The following ELMO1 variants were observed in gnomAD, a reference collection of about 807,000 sequenced individuals.
ELMO1 encodes the protein engulfment and cell motility protein 1.
In ELMO1, 26 loss-of-function variants were observed where a neutral mutation model predicts 98.9. That is an observed-to-expected ratio of 0.26 (90% CI 0.19 to 0.36). ELMO1 has a LOEUF of 0.36. Among genes scored for constraint, ELMO1 ranks in the 10% least tolerant of loss-of-function variants. ELMO1 has a pLI of 1.00. For synonymous variants in ELMO1, 346 were observed against 346.0 expected, an observed-to-expected ratio of 1.00 and a Z score of 0.00; for missense variants, 627 against 935.2, an observed-to-expected ratio of 0.67 and a Z score of 4.30.
chr7:37,184,735 C>A (rs1285626608), intron 13 of ELMO1, among the ~76,000 whole-genome samples: 1 of 151,752 alleles, frequency 6.6e-6, no homozygotes, highest in Non-Finnish European at 1.5e-5. Context: ...TAGCAAAACC[C>A]CATCTCTACC....
chr7:37,246,971 A>C (rs1197691538), intron 6 of ELMO1, among the ~76,000 whole-genome samples: 3 of 152,106 alleles, frequency 2.0e-5, no homozygotes, highest in Non-Finnish European at 4.4e-5. Context: ...TTTGCAATTC[A>C]TCTCAACATT....
At chr7:37,020,460 G>A (rs1292450439) in intron 15 of ELMO1, among the ~76,000 whole-genome samples, 2 of 152,076 alleles carry the variant, frequency 1.3e-5, no homozygotes, top group South Asian at 2.1e-4. Context: ...TAAGAAAATC[G>A]CCAATTGTTT....
At chr7:37,438,269 AG>A (rs1805234227) in intron 1 of ELMO1, among the ~76,000 whole-genome samples, 1 of 151,184 alleles carries the variant, frequency 6.6e-6, no homozygotes, top group Admixed American at 6.6e-5. Context: ...TCAGCAAGAT[AG>A]TTTAATAAAG....
At position 36,878,067 on chromosome 7, in the gene ELMO1, C is replaced by T. The variant is rs1009364434; in HGVS notation, c.1765G>A (p.Gly589Arg). Residue 589 changes from glycine (G) to arginine (R), a missense_variant, in exon 19 of 22, where the codon GGA becomes AGA. Physicochemically the swap from Gly to Arg is moderately radical, Grantham distance 125. Transcript: ENST00000310758. ...LSPNHKVLHY[G>R]DLEESPQGEV... Reference sequence around the variant, plus strand: ...CCCTGAGGACTCTCTTCTAAGTCTCCGTAATGCAGGACTTTGTGATTTGGC... The same window carrying T: ...CCCTGAGGACTCTCTTCTAAGTCTCTGTAATGCAGGACTTTGTGATTTGGC... 2.5e-6 allele frequency: 4 copies of T among 1,614,060 alleles called. No individual in the cohort carries two copies. The highest frequency in any genetic ancestry group is 2.5e-6 in the Non-Finnish European group (3 of 1,179,954).
intron 13 of ELMO1, among the ~76,000 whole-genome samples, chr7:37,169,483 G>A (rs1485626185): frequency 6.6e-6 from 1 of 152,084 alleles, no homozygotes; most frequent in Non-Finnish European, 1.5e-5. Context: ...GGCCATCTTG[G>A]CTCCTCCCTG....
intron 18 of ELMO1, among the ~76,000 whole-genome samples, chr7:36,886,971 T>C (rs1160169219): frequency 1.3e-5 from 2 of 152,178 alleles, no homozygotes; most frequent in African/African-American, 2.4e-5. Context: ...GGGCCATCCA[T>C]GCTGGAAGCT....
At chr7:37,444,301 G>C (rs1400760448) in intron 1 of ELMO1, among the ~76,000 whole-genome samples, 1 of 152,248 alleles carries the variant, frequency 6.6e-6, no homozygotes, top group Non-Finnish European at 1.5e-5. Context: ...AAGTTGAGCA[G>C]AGTAAATTTC....
intron 1 of ELMO1, among the ~76,000 whole-genome samples, chr7:37,364,717 C>G (rs892357466): frequency 4.6e-5 from 7 of 152,026 alleles, no homozygotes; most frequent in African/African-American, 1.7e-4. Flanking sequence ...AGAGCAAACT[C>G]AAGTGCTTTT....
intron 13 of ELMO1, among the ~76,000 whole-genome samples, chr7:37,204,766 T>C (rs1019509514): frequency 1.3e-5 from 2 of 152,232 alleles, no homozygotes; most frequent in African/African-American, 4.8e-5. Context: ...CACAGAGCAC[T>C]GATTGGTGCA....
intron 15 of ELMO1, among the ~76,000 whole-genome samples, chr7:37,027,977 G>A (rs1237309031): frequency 6.6e-6 from 1 of 152,130 alleles, no homozygotes; most frequent in East Asian, 1.9e-4. Context: ...TAAGAGAGCA[G>A]CCTAGAAAGG....
At chr7:37,123,406 G>A (rs1459138888) in intron 14 of ELMO1, among the ~76,000 whole-genome samples, 1 of 152,004 alleles carries the variant, frequency 6.6e-6, no homozygotes, top group Non-Finnish European at 1.5e-5. Context: ...TAATAAAGAA[G>A]AAAAGAGAGA....
At chr7:37,272,670 C>T (rs1429897873) in intron 4 of ELMO1, among the ~76,000 whole-genome samples, 6 of 149,206 alleles carry the variant, frequency 4.0e-5, no homozygotes, top group African/African-American at 7.5e-5. Context: ...AGTGAAACTC[C>T]GTCTTAAAGG....
At chr7:37,329,014 G>A (rs1198965758) in intron 2 of ELMO1, among the ~76,000 whole-genome samples, 1 of 152,164 alleles carries the variant, frequency 6.6e-6, no homozygotes, top group Admixed American at 6.5e-5. Context: ...ATGCAGTCCG[G>A]AGTGACTCTC....
chr7:37,238,817 C>T (rs1034934005), intron 7 of ELMO1, among the ~76,000 whole-genome samples: 1 of 152,130 alleles, frequency 6.6e-6, no homozygotes, highest in African/African-American at 2.4e-5. Flanking sequence ...AGGTTTTCTC[C>T]TTTATTTCAT....
At chr7:37,303,244 C>T (rs1798436620) in intron 4 of ELMO1, among the ~76,000 whole-genome samples, 2 of 152,162 alleles carry the variant, frequency 1.3e-5, no homozygotes, top group Admixed American at 1.3e-4. Context: ...CTGTGGAGCA[C>T]AACCATCAGT....
chr7:37,254,894 G>A (rs1795558073), intron 6 of ELMO1, among the ~76,000 whole-genome samples: 1 of 152,152 alleles, frequency 6.6e-6, no homozygotes, highest in African/African-American at 2.4e-5. Flanking sequence ...TGTGCAACAT[G>A]GAGACAGAAT....
chr7:37,252,295 C>G (rs2954937), intron 6 of ELMO1, among the ~76,000 whole-genome samples: 48,035 of 152,004 alleles, frequency 0.32, 7,704 homozygotes, highest in Middle Eastern at 0.42. Flanking sequence ...GCAAAAAGAA[C>G]AAAGCTGGAG....
intron 6 of ELMO1, among the ~76,000 whole-genome samples, chr7:37,255,552 A>G (rs1308229818): frequency 1.3e-5 from 2 of 152,220 alleles, no homozygotes; most frequent in Non-Finnish European, 2.9e-5. Flanking sequence ...CGGCCTCTGG[A>G]GGTGAGGGGC....
chr7:37,000,315 T>C (rs1226264420), intron 16 of ELMO1, among the ~76,000 whole-genome samples: 1 of 152,222 alleles, frequency 6.6e-6, no homozygotes, highest in Non-Finnish European at 1.5e-5. Context: ...TGGCATTATA[T>C]GCCAATGACA....
Sources: gnomAD v4.1 joint callset for allele counts (sites outside exome capture counted in the v4.1 genomes callset) on GRCh38, gnomAD v4.1.1 for gene constraint, MANE v1.5 for transcripts, NCBI Gene and HGNC (gene_info 2026-07-23, HGNC 2026-07-21) for gene names.